KLF12: variants seen among roughly 807,000 people sequenced by gnomAD.
KLF12 encodes Krueppel-like factor 12.
Under a neutral mutation model 37.8 loss-of-function variants are expected in KLF12, and 9 were observed. That is an observed-to-expected ratio of 0.24 (90% confidence interval 0.14 to 0.42). The LOEUF (loss-of-function observed/expected upper bound fraction) is 0.42, where lower values mean the gene tolerates loss of function less well. Ranked by LOEUF, KLF12 falls within the 10% of genes least tolerant of loss-of-function variation. The pLI is 1.00. For missense variants in KLF12, 411 were observed against 516.0 expected, an observed-to-expected ratio of 0.80 and a Z score of 1.97; for synonymous variants, 208 against 202.1, an observed-to-expected ratio of 1.03 and a Z score of -0.25.
intron 3 of KLF12, among the ~76,000 whole-genome samples, chr13:73,885,939 G>C (rs1286801812): frequency 2.0e-5 from 3 of 152,158 alleles, no homozygotes; most frequent in African/African-American, 4.8e-5. Flanking sequence ...GGAAGATCAA[G>C]GATAACTCCT....
chr13:74,118,818 C>T (rs1016337734), intron 1 of KLF12, among the ~76,000 whole-genome samples: 16 of 152,046 alleles, frequency 1.1e-4, no homozygotes, highest in African/African-American at 2.9e-4. Context: ...CACACACAAA[C>T]ACAGACCTCT....
At chr13:73,861,778 T>C (rs890243611) in intron 3 of KLF12, among the ~76,000 whole-genome samples, 9 of 152,202 alleles carry the variant, frequency 5.9e-5, no homozygotes, top group African/African-American at 9.7e-5. Context: ...CATATATACA[T>C]GCACCTCCGT....
At chr13:73,935,055 T>C (rs1278050759) in intron 3 of KLF12, among the ~76,000 whole-genome samples, 1 of 151,910 alleles carries the variant, frequency 6.6e-6, no homozygotes, top group South Asian at 2.1e-4. Context: ...TCTCAACTTA[T>C]TGCACCCTCC....
At chr13:73,787,994 G>C (rs182972627) in intron 5 of KLF12, among the ~76,000 whole-genome samples, 4 of 152,020 alleles carry the variant, frequency 2.6e-5, no homozygotes. Context: ...TTTAATAAAA[G>C]TATTTTAGGT....
the KLF12 span, among the ~76,000 whole-genome samples, chr13:74,216,703 G>T: frequency 3.3e-5 from 5 of 152,174 alleles, no homozygotes; most frequent in Non-Finnish European, 7.3e-5. Context: ...GCAATTAATA[G>T]ATGCACAGGG....
At chr13:73,887,733 A>C (rs1393264518) in intron 3 of KLF12, among the ~76,000 whole-genome samples, 2 of 149,132 alleles carry the variant, frequency 1.3e-5, no homozygotes, top group Non-Finnish European at 3.0e-5. Flanking sequence ...TACAAAAAAA[A>C]CACACAAATT....
intron 3 of KLF12, among the ~76,000 whole-genome samples, chr13:73,915,945 A>G (rs1468819548): frequency 2.0e-5 from 3 of 151,928 alleles, no homozygotes; most frequent in Non-Finnish European, 4.4e-5. Context: ...CTCCACAAAG[A>G]CTTGAGAAGG....
At chr13:73,866,809 T>C (rs532163963) in intron 3 of KLF12, among the ~76,000 whole-genome samples, 74 of 150,440 alleles carry the variant, frequency 4.9e-4, no homozygotes, top group Non-Finnish European at 1.0e-3. Flanking sequence ...AACTGAGTAA[T>C]GAAGACATCT....
intron 5 of KLF12, among the ~76,000 whole-genome samples, chr13:73,782,392 A>G (rs964825484): frequency 6.6e-6 from 1 of 152,200 alleles, no homozygotes; most frequent in African/African-American, 2.4e-5. Context: ...AATAGCTACT[A>G]GACTGTTTCT....
chr13:73,764,797 G>A, intron 6 of KLF12, 141 bp downstream of exon 6: 1 of 542,878 alleles, frequency 1.8e-6, no homozygotes, highest in East Asian at 2.8e-5. Context: ...GAACTGTCCA[G>A]AGGAAAGGAA....
intron 5 of KLF12, among the ~76,000 whole-genome samples, chr13:73,811,562 T>C (rs1391071390): frequency 1.3e-5 from 2 of 152,178 alleles, no homozygotes; most frequent in African/African-American, 2.4e-5. Flanking sequence ...CCACCAATAA[T>C]TGAAGCTTTC....
At chr13:74,168,118 C>T in the KLF12 span, among the ~76,000 whole-genome samples, 1 of 152,212 alleles carries the variant, frequency 6.6e-6, no homozygotes, top group African/African-American at 2.4e-5. Context: ...TATGAACTGG[C>T]TTTAAGCCAA....
chr13:74,265,073 A>G, the KLF12 span, among the ~76,000 whole-genome samples: 1 of 152,320 alleles, frequency 6.6e-6, no homozygotes, highest in East Asian at 1.9e-4. Context: ...CTTCCTAACT[A>G]TGTTGCCTAA....
At chr13:74,250,328 G>A in the KLF12 span, among the ~76,000 whole-genome samples, 1 of 152,210 alleles carries the variant, frequency 6.6e-6, no homozygotes, top group African/African-American at 2.4e-5. Flanking sequence ...GCAGGACTGT[G>A]AAATTATTCC....
At chr13:73,859,856 C>T (rs905661659) in intron 3 of KLF12, among the ~76,000 whole-genome samples, 1 of 151,704 alleles carries the variant, frequency 6.6e-6, no homozygotes, top group Non-Finnish European at 1.5e-5. Context: ...GATTTGAAAG[C>T]GAGTACAATT....
intron 6 of KLF12, among the ~76,000 whole-genome samples, chr13:73,736,079 T>C (rs909232059): frequency 1.3e-5 from 2 of 152,094 alleles, no homozygotes; most frequent in Admixed American, 6.5e-5. Flanking sequence ...GTAACATGGA[T>C]CTAAGTATGC....
intron 7 of KLF12, among the ~76,000 whole-genome samples, chr13:73,704,629 A>G (rs1238375916): frequency 6.6e-6 from 1 of 152,134 alleles, no homozygotes; most frequent in Non-Finnish European, 1.5e-5. Flanking sequence ...ATGCACACCA[A>G]TTTATTGTCC....
chr13:74,283,232 GT>G, the KLF12 span, among the ~76,000 whole-genome samples: 1 of 152,058 alleles, frequency 6.6e-6, no homozygotes, highest in African/African-American at 2.4e-5. Flanking sequence ...AGACTATATT[GT>G]TTTAATACTT....
At chr13:73,735,446 G>A (rs8002739) in intron 6 of KLF12, among the ~76,000 whole-genome samples, 147,559 of 152,256 alleles carry the variant, frequency 0.97, 71,642 homozygotes, top group East Asian at 1. Flanking sequence ...GGAAGATGTC[G>A]CCCCCTAGGG....
Sources: allele counts gnomAD v4.1 joint callset (sites outside exome capture counted in the v4.1 genomes callset), GRCh38; gene constraint gnomAD v4.1.1; transcripts MANE v1.5; gene names NCBI Gene and HGNC (gene_info 2026-07-23, HGNC 2026-07-21).